DPP9: variants seen among roughly 807,000 people sequenced by gnomAD.
DPP9 encodes dipeptidyl peptidase IV-related protein-2.
In DPP9, 50 loss-of-function variants were observed where a neutral mutation model predicts 110.7. The ratio of observed to expected loss-of-function variants is 0.45; its 90% confidence interval spans 0.36 to 0.57. The LOEUF (loss-of-function observed/expected upper bound fraction) is 0.57, where lower values mean the gene tolerates loss of function less well. DPP9 is among the 20% of genes least tolerant of loss of function. The pLI, the probability that DPP9 is intolerant of heterozygous loss-of-function variation, is 0.00. For missense variants in DPP9, 1,022 were observed against 1,217.9 expected (o/e 0.84, Z 2.39); for synonymous variants, 561 against 514.4 (o/e 1.09, Z -1.23).
rs1334431787 is a variant in DPP9, at chr19:4,695,192, G to T, written c.1353+186C>A. 4.8e-6 allele frequency: 3 copies of T among 623,962 alleles called. No individual in the cohort carries two copies. The highest frequency in any genetic ancestry group is 8.1e-6 in the Non-Finnish European group (3 of 370,960). 38.7% of individuals were successfully genotyped at this position (623,962 alleles called of 1,614,324 possible). A position where few individuals can be genotyped will look rare whatever the true frequency, so the allele number is the denominator to read the frequency against. On this transcript the variant is annotated intron_variant, in intron 12 of 21. Transcript: ENST00000262960. The surrounding 1 kb of genome is among the most constrained non-coding windows in gnomAD (Gnocchi z 4.7). ...GATGAGGGGAGAGGCTCCAATGGCT[G>T]CCAGACTCACCAACCCCCCTAGACC...
rs1050155978 is a variant in DPP9, at chr19:4,682,504, G to A, written c.2474+192C>T. 2.7e-4 allele frequency among the ~76,000 whole-genome samples: 41 copies of A among 152,172 alleles called. No homozygotes were observed. Among genetic ancestry groups the A allele is most frequent in the Non-Finnish European group, 3.7e-4 (25 of 68,014 alleles). On this transcript the variant is annotated intron_variant, in intron 20 of 21. Transcript: ENST00000262960. This position sits in a 1 kb window ranked among gnomAD's most constrained non-coding sequence, Gnocchi z 7.1. The stretch of plus-strand genomic sequence containing the variant: ...TCCTGCAAGGTGCAGTGAGGAGGGA[G>A]GGTGGGCTGGAGGGGACTGTGAGGC...
At chr19:4,691,034 C>T in intron 13 of DPP9, 77 bp from the exon 14 acceptor site, 1 of 1,149,518 alleles carries the variant, frequency 8.7e-7, no homozygotes, top group Non-Finnish European at 1.3e-6. Context: ...GGCCAAATTC[C>T]ACCCGAGCAG....
At chr19:4,702,572 G>C (rs372183330) in intron 8 of DPP9, 31 bp downstream of exon 8, 1 of 1,522,878 alleles carries the variant, frequency 6.6e-7, no homozygotes, top group Non-Finnish European at 8.9e-7. Context: ...AAGCACGCCC[G>C]GGAGCATGTT....
intron 10 of DPP9, 43 bp from the exon 11 acceptor site, chr19:4,697,694 C>T (rs753327545): frequency 1.3e-5 from 20 of 1,552,022 alleles, no homozygotes; most frequent in East Asian, 2.3e-5. Context: ...CTGGCCTGCC[C>T]GGCGCTGCTC....
At chr19:4,701,933 A>G in intron 9 of DPP9, 94 bp downstream of exon 9, 1 of 1,502,768 alleles carries the variant, frequency 6.7e-7, no homozygotes, top group Non-Finnish European at 9.0e-7. Flanking sequence ...ACACACATGC[A>G]GCTCAGAGGG....
chr19:4,716,763 C>A lies in DPP9; in HGVS notation c.57-2426G>T, dbSNP rs78916266. Among the ~76,000 whole-genome samples, 1,058 of 152,294 alleles carry A rather than the reference C, an allele frequency of 6.9e-3. 6 individuals carry two copies. The highest frequency in any genetic ancestry group is 0.01 in the Non-Finnish European group (710 of 68,034). Reference sequence around the variant, plus strand: ...AACTGAAGCTGGGAGGTCACTGGAGCTTGCTCCCAATCAGAGCCGAGTGAA... The same window carrying A: ...AACTGAAGCTGGGAGGTCACTGGAGATTGCTCCCAATCAGAGCCGAGTGAA... On this transcript the variant is annotated intron_variant, in intron 3 of 21. Coordinates refer to ENST00000262960, the MANE Select transcript of DPP9 (RefSeq NM_139159.5).
rs866143770 is a variant in DPP9, at chr19:4,693,092, C to T, written c.1516+1569G>A. Among the ~76,000 whole-genome samples the T allele has an allele frequency of 6.6e-6, 1 of 152,262 alleles. No homozygotes were observed. The highest frequency in any genetic ancestry group is 1.9e-4 in the East Asian group (1 of 5,176). ...TGTGGGCTCTGCCCCCAGAGGGCAC[C>T]GGACCACATCTAGGGACATCTGTGG... On this transcript the variant is annotated intron_variant, in intron 13 of 21. Coordinates refer to ENST00000262960, the MANE Select transcript of DPP9 (RefSeq NM_139159.5). This position sits in a 1 kb window ranked among gnomAD's most constrained non-coding sequence, Gnocchi z 5.0.
In DPP9 at chr19:4,685,493, G is replaced by C. The variant is rs2090561643; in HGVS notation, c.2031+133C>G. 2 of 1,034,184 alleles carry C rather than the reference G, an allele frequency of 1.9e-6. No homozygotes were observed. The highest frequency in any genetic ancestry group is 1.5e-5 in the South Asian group (1 of 66,808). The allele number at this position is 1,034,184 out of a possible 1,614,324, so 64.1% of individuals were successfully genotyped here. A position where few individuals can be genotyped will look rare whatever the true frequency, so the allele number is the denominator to read the frequency against. On this transcript the variant is annotated intron_variant, in intron 17 of 21. Coordinates refer to ENST00000262960, the MANE Select transcript of DPP9 (RefSeq NM_139159.5). The surrounding 1 kb of genome is among the most constrained non-coding windows in gnomAD (Gnocchi z 5.8). Reference sequence around the variant, plus strand: ...ACCCTGTGTAGTCAGGGCAGGCGGGGTGGGCTGGGGCACCAGGCAGGTAGC... The same window carrying C: ...ACCCTGTGTAGTCAGGGCAGGCGGGCTGGGCTGGGGCACCAGGCAGGTAGC...
intron 20 of DPP9, 39 bp from the exon 21 acceptor site, chr19:4,679,985 G>A: frequency 2.0e-6 from 3 of 1,482,086 alleles, no homozygotes; most frequent in Admixed American, 3.6e-5. Context: ...GCCAGGGATT[G>A]TCCGTGGGGT....
intron 7 of DPP9, among the ~76,000 whole-genome samples, chr19:4,703,390 C>T (rs530826878): frequency 1.4e-4 from 21 of 150,374 alleles, no homozygotes; most frequent in African/African-American, 4.7e-4. Context: ...CTTGGGAGGC[C>T]GAGGCAGGTA....
chr19:4,677,034 G>A (rs1032633418), intron 21 of DPP9, among the ~76,000 whole-genome samples: 6 of 152,162 alleles, frequency 3.9e-5, no homozygotes, highest in African/African-American at 1.4e-4. Flanking sequence ...GGGACATCTG[G>A]TGCCCTGGTC....
intron 3 of DPP9, among the ~76,000 whole-genome samples, chr19:4,714,802 T>TTCTCACCACCACC (rs532492733): frequency 5.8e-4 from 88 of 151,952 alleles, no homozygotes; most frequent in African/African-American, 2.0e-3. Context: ...TAACAACCAG[T>TTCTCACCACCACC]TCTCACCACC....
At chr19:4,713,338 C>G (rs565550923) in intron 4 of DPP9, among the ~76,000 whole-genome samples, 2 of 152,366 alleles carry the variant, frequency 1.3e-5, no homozygotes, top group East Asian at 3.9e-4. Context: ...ATCCGCTGCC[C>G]ACCTCACGGG....
intron 16 of DPP9, 123 bp downstream of exon 16, chr19:4,688,634 G>C: frequency 8.3e-7 from 1 of 1,199,722 alleles, no homozygotes; most frequent in Non-Finnish European, 1.1e-6. Flanking sequence ...AGGGGCCTGG[G>C]TGCTGTGGGA....
chr19:4,701,077 A>G lies in DPP9; in HGVS notation c.1013-800T>C, dbSNP rs139340540. On this transcript the variant is annotated intron_variant, in intron 9 of 21. Coordinates refer to ENST00000262960, the MANE Select transcript of DPP9 (RefSeq NM_139159.5). ...AATAACGATGCTCTTATATGGTCCC[A>G]TGGGGGTTGCAAACCCAAGGCCTGA... 3.8e-3 allele frequency among the ~76,000 whole-genome samples: 574 copies of G among 152,314 alleles called. 7 individuals are homozygous for G. The highest frequency in any genetic ancestry group is 0.013 in the African/African-American group (536 of 41,566).
chr19:4,679,834 C>T lies in DPP9; in HGVS notation c.2586+1G>A. On this transcript the variant is annotated splice_donor_variant, in intron 21 of 21. Transcript: ENST00000262960. LOFTEE classifies it high-confidence loss of function. ...GGCCGAAGCCCCCAACAGCCACCCA[C>T]CTGGAGCTGGTAAGGTTTCCCTGCT... The T allele has an allele frequency of 6.2e-7, 1 of 1,605,756 alleles. No homozygotes were observed. Among genetic ancestry groups the T allele is most frequent in the South Asian group, 1.1e-5 (1 of 89,726 alleles).
chr19:4,682,639 G>A lies in DPP9; in HGVS notation c.2474+57C>T. 2.5e-6 allele frequency: 4 copies of A among 1,584,008 alleles called. No individual in the cohort carries two copies. The Admixed American group carries it at 7.1e-5, about 28-fold the overall frequency. On this transcript the variant is annotated intron_variant, in intron 20 of 21. Coordinates refer to ENST00000262960, the MANE Select transcript of DPP9 (RefSeq NM_139159.5). The surrounding 1 kb of genome is among the most constrained non-coding windows in gnomAD (Gnocchi z 7.1). Reference sequence around the variant, plus strand: ...GAGGGCACCCTCATAGAGACAGCTGGTGCCGGGGTGCAGGAGAAGCCCCGG... The same window carrying A: ...GAGGGCACCCTCATAGAGACAGCTGATGCCGGGGTGCAGGAGAAGCCCCGG...
At position 4,682,716 on chromosome 19, in the gene DPP9, G is replaced by A. The variant is rs531926051; in HGVS notation, c.2454C>T (p.His818=). The A allele has an allele frequency of 6.2e-6, 10 of 1,609,894 alleles. No individual in the cohort carries two copies. Among genetic ancestry groups the A allele is most frequent in the Middle Eastern group, 3.3e-4 (2 of 6,058 alleles). The change falls in exon 20 of 22, where the codon CAC becomes CAT. Residue 818 remains histidine (H), a synonymous_variant. Transcript: ENST00000262960. This position sits in a 1 kb window ranked among gnomAD's most constrained non-coding sequence, Gnocchi z 7.1. ...HGYEAGSVAL[H]VEKLPNEPNR... is the part of the protein sequence containing the mutation. ...CTTACTCATTGGGCAGCTTCTCCAC[G>A]TGCAGGGCCACGGAACCCGCCTCAT...
intron 14 of DPP9, 96 bp downstream of exon 14, chr19:4,690,782 T>A: frequency 1.1e-6 from 1 of 910,208 alleles, no homozygotes. Flanking sequence ...TGTGTGTGAG[T>A]GTATGTGTGT....
Sources: gnomAD v4.1 joint callset for allele counts (sites outside exome capture counted in the v4.1 genomes callset) on GRCh38, gnomAD v4.1.1 for gene constraint, Gnocchi (gnomAD v3.1) non-coding constraint, MANE v1.5 for transcripts, NCBI Gene and HGNC (gene_info 2026-07-23, HGNC 2026-07-21) for gene names.